The following DMD variants were observed in gnomAD, a reference collection of about 807,000 sequenced individuals.
DMD encodes the protein dystrophin, also known as mutant dystrophin.
DMD carries 63 observed loss-of-function variants against 330.1 expected under a neutral mutation model. That is an observed-to-expected ratio of 0.19 (90% CI 0.16 to 0.24). The LOEUF is 0.24. Ranked by LOEUF, DMD falls within the 10% of genes least tolerant of loss-of-function variation. DMD has a pLI of 1.00. For synonymous variants in DMD, 1,223 were observed against 959.8 expected (o/e 1.27, Z -5.07); for missense variants, 3,344 against 2,684.1 (o/e 1.25, Z -5.43).
intron 18 of DMD, among the ~76,000 whole-genome samples, chrX:32,514,599 G>T (rs2045666591): frequency 8.9e-6 from 1 of 111,973 alleles, no homozygotes; most frequent in African/African-American, 3.2e-5. Context: ...AACTTAGCCG[G>T]GTGTGGTGGC....
intron 44 of DMD, among the ~76,000 whole-genome samples, chrX:32,152,556 A>G (rs753521272): frequency 1.4e-4 from 16 of 111,423 alleles, no homozygotes; most frequent in South Asian, 7.4e-4. Flanking sequence ...ACACAGACAC[A>G]TTTTTATACT....
intron 51 of DMD, among the ~76,000 whole-genome samples, chrX:31,760,380 T>C (rs1206711662): frequency 1.8e-5 from 2 of 112,349 alleles, no homozygotes; most frequent in Non-Finnish European, 3.8e-5. Context: ...TTTTGATCAA[T>C]GGACCACTAT....
chrX:32,760,706 C>G lies in DMD; in HGVS notation c.649+48787G>C, dbSNP rs759311301. On this transcript the variant is annotated intron_variant, in intron 7 of 78. Coordinates refer to ENST00000357033, the MANE Select transcript of DMD (RefSeq NM_004006.3). ...AGGTTTACTTGCAAGGAATGGGAAA[C>G]TGAATACTTCATATATTGATGTTGC... Among the ~76,000 whole-genome samples the G allele has an allele frequency of 1.2e-4, 14 of 112,028 alleles. No homozygotes were observed. In the East Asian group the frequency reaches 1.4e-3, roughly 11 times the overall value.
In DMD at chrX:31,348,603, T is replaced by C; in HGVS notation, c.9116A>G (p.His3039Arg). 2.5e-6 allele frequency: 3 copies of C among 1,211,045 alleles called. No individual in the cohort carries two copies. The East Asian group carries it at 8.9e-5, about 36-fold the overall frequency. ...TGGACCAAAGTCCCTGTGGGCTTCATGCAGCTGCCTGACTCGGTCCTCGAC... is the reference window on the plus strand; with the variant it reads ...TGGACCAAAGTCCCTGTGGGCTTCACGCAGCTGCCTGACTCGGTCCTCGAC... ...VAVEDRVRQL[H>R]EAHRDFGPAS... is the part of the protein sequence containing the mutation. Residue 3039 changes from histidine to arginine, a missense_variant, in exon 61 of 79, where the codon CAT (histidine) becomes CGT (arginine). By Grantham distance (29) the His-to-Arg change is conservative. Coordinates refer to ENST00000357033, the MANE Select transcript of DMD (RefSeq NM_004006.3).
intron 50 of DMD, among the ~76,000 whole-genome samples, chrX:31,819,033 CA>C (rs200741617): frequency 0.14 from 13,345 of 94,649 alleles, 641 homozygotes; most frequent in Admixed American, 0.2. Context: ...GCAGACAAGG[CA>C]AAAAAAAAAA....
intron 7 of DMD, among the ~76,000 whole-genome samples, chrX:32,750,597 TA>T (rs2070683511): frequency 9.1e-6 from 1 of 110,412 alleles, no homozygotes; most frequent in Non-Finnish European, 1.9e-5. Context: ...CCTAGGCAGA[TA>T]GGGGTGGGTA....
intron 2 of DMD, among the ~76,000 whole-genome samples, chrX:32,944,453 A>C (rs1226515085): frequency 2.7e-5 from 3 of 111,769 alleles, no homozygotes; most frequent in Non-Finnish European, 3.8e-5. Context: ...TGTGTAAAGC[A>C]GGGTTTTGCC....
chrX:33,099,931 G>A (rs745569626), intron 1 of DMD, among the ~76,000 whole-genome samples: 2 of 111,599 alleles, frequency 1.8e-5, no homozygotes, highest in South Asian at 7.5e-4. Flanking sequence ...ACAGATTAAT[G>A]GACAAGAGTG....
intron 21 of DMD, among the ~76,000 whole-genome samples, chrX:32,484,478 G>T (rs1460486843): frequency 8.9e-6 from 1 of 112,143 alleles, no homozygotes; most frequent in Non-Finnish European, 1.9e-5. Context: ...TTTGTCCTTT[G>T]CTGAGTTTCA....
rs755155959 is a variant in DMD at position 31,674,751 on chromosome X, A to G, written c.7872+4624T>C. On this transcript the variant is annotated intron_variant, in intron 53 of 78. Coordinates refer to ENST00000357033, the MANE Select transcript of DMD (RefSeq NM_004006.3). Reference sequence around the variant, plus strand: ...GAAAGTTTAAAACGATCAAGAAATAATTTTTCCAAAGAATCCATTGCCAAG... The same window carrying G: ...GAAAGTTTAAAACGATCAAGAAATAGTTTTTCCAAAGAATCCATTGCCAAG... Among the ~76,000 whole-genome samples the G allele has an allele frequency of 6.2e-5, 7 of 112,600 alleles. No homozygotes were observed. In the South Asian group the frequency reaches 2.5e-3, roughly 41 times the overall value.
chrX:32,767,914 C>A (rs1249950342), intron 7 of DMD, among the ~76,000 whole-genome samples: 1 of 111,188 alleles, frequency 9.0e-6, no homozygotes, highest in Admixed American at 9.6e-5. Flanking sequence ...TGCAATACAC[C>A]ATGCTAAAGA....
At chrX:32,117,768 G>A (rs1321150061) in intron 44 of DMD, among the ~76,000 whole-genome samples, 1 of 111,765 alleles carries the variant, frequency 8.9e-6, no homozygotes, top group African/African-American at 3.3e-5. Flanking sequence ...AGTGCCTTCG[G>A]TGGAGAAAAT....
At chrX:32,263,094 T>G (rs1489442557) in intron 43 of DMD, among the ~76,000 whole-genome samples, 1 of 112,308 alleles carries the variant, frequency 8.9e-6, no homozygotes, top group Non-Finnish European at 1.9e-5. Context: ...TGTTGAGAAG[T>G]TAAAATGTAG....
At chrX:32,788,725 A>G (rs758150956) in intron 7 of DMD, among the ~76,000 whole-genome samples, 1 of 111,397 alleles carries the variant, frequency 9.0e-6, no homozygotes, top group Non-Finnish European at 1.9e-5. Context: ...CATTAATATC[A>G]GAGATCATAA....
chrX:32,817,462 G>A (rs1372907765), intron 5 of DMD, among the ~76,000 whole-genome samples: 1 of 111,747 alleles, frequency 8.9e-6, no homozygotes, highest in Non-Finnish European at 1.9e-5. Context: ...TCCATTCTAA[G>A]CATTTTTTCT....
intron 7 of DMD, among the ~76,000 whole-genome samples, chrX:32,776,160 T>G (rs1022013102): frequency 1.8e-5 from 2 of 111,128 alleles, no homozygotes; most frequent in African/African-American, 3.3e-5. Flanking sequence ...GTTCCTCATC[T>G]CCATCTGAGA....
intron 1 of DMD, among the ~76,000 whole-genome samples, chrX:33,306,717 T>C (rs111377108): frequency 7.5e-4 from 83 of 110,519 alleles, no homozygotes; most frequent in African/African-American, 2.6e-3. Context: ...GAGAAGAAAA[T>C]TGGGGCAAAC....
intron 52 of DMD, among the ~76,000 whole-genome samples, chrX:31,683,099 C>A (rs1241444397): frequency 8.9e-6 from 1 of 111,732 alleles, no homozygotes; most frequent in African/African-American, 3.3e-5. Context: ...GTGTGCATCC[C>A]ACTGAGGGTA....
intron 42 of DMD, among the ~76,000 whole-genome samples, chrX:32,299,539 G>A (rs1217273417): frequency 1.9e-5 from 2 of 104,857 alleles, no homozygotes; most frequent in African/African-American, 7.0e-5. Flanking sequence ...TACCCTTACT[G>A]ACTTTGTATC....
Sources: gnomAD v4.1 joint callset for allele counts (sites outside exome capture counted in the v4.1 genomes callset) on GRCh38, gnomAD v4.1.1 for gene constraint, MANE v1.5 for transcripts, NCBI Gene and HGNC (gene_info 2026-07-23, HGNC 2026-07-21) for gene names.